The following TRAF2 variants were observed in gnomAD, a reference collection of about 807,000 sequenced individuals.
TRAF2 encodes TNF receptor-associated factor 2.
In TRAF2, 6 loss-of-function variants were observed where a neutral mutation model predicts 55.6. That is an observed-to-expected ratio of 0.11 (90% confidence interval 0.06 to 0.21). TRAF2 has a LOEUF of 0.21. Ranked by LOEUF, TRAF2 falls within the 10% of genes least tolerant of loss-of-function variation. The pLI is 1.00. For synonymous variants in TRAF2, 329 were observed against 276.3 expected, an observed-to-expected ratio of 1.19 and a Z score of -1.89; for missense variants, 561 against 684.5, an observed-to-expected ratio of 0.82 and a Z score of 2.01.
intron 1 of TRAF2, among the ~76,000 whole-genome samples, chr9:136,893,449 C>G (rs901689839): frequency 6.6e-6 from 1 of 152,232 alleles, no homozygotes; most frequent in Non-Finnish European, 1.5e-5. Context: ...CTATTCAGGT[C>G]AGTGAGCGCA....
chr9:136,896,760 C>T (rs180750269), intron 1 of TRAF2, among the ~76,000 whole-genome samples: 72 of 152,272 alleles, frequency 4.7e-4, no homozygotes, highest in Admixed American at 1.8e-3. Context: ...AGGCGCCCGC[C>T]GCCACGCCCG....
At chr9:136,890,904 C>CTT (rs1849568656) in intron 1 of TRAF2, among the ~76,000 whole-genome samples, 1 of 152,172 alleles carries the variant, frequency 6.6e-6, no homozygotes, top group African/African-American at 2.4e-5. Context: ...GAAGCGTCTG[C>CTT]CGGTGGTGGA....
At chr9:136,900,545 G>T (rs769019662) in intron 4 of TRAF2, 25 bp downstream of exon 4, 1 of 1,596,510 alleles carries the variant, frequency 6.3e-7, no homozygotes, top group South Asian at 1.1e-5. Context: ...GTGTGGCATG[G>T]TGACAGAAGC....
At chr9:136,882,743 C>T (rs569810101), upstream of TRAF2, 441 of 985,578 alleles carry the variant, frequency 4.5e-4, no homozygotes, top group Non-Finnish European at 5.2e-4. Flanking sequence ...GCAAACAAGG[C>T]GAGTCCCCAG....
chr9:136,895,809 G>A (rs185086958), intron 1 of TRAF2, among the ~76,000 whole-genome samples: 5 of 145,714 alleles, frequency 3.4e-5, no homozygotes, highest in Non-Finnish European at 7.4e-5. Context: ...TTGCTCCACT[G>A]CACTCCAGCC....
chr9:136,889,603 A>G (rs1412918356), intron 1 of TRAF2: 2 of 151,954 alleles, frequency 1.3e-5, no homozygotes, highest in African/African-American at 4.8e-5. Context: ...TGTTTTTGAC[A>G]TTTCTTTGCC....
chr9:136,903,969 A>G (rs1849885696), intron 4 of TRAF2, among the ~76,000 whole-genome samples: 1 of 152,008 alleles, frequency 6.6e-6, no homozygotes, highest in Admixed American at 6.5e-5. Flanking sequence ...GGCGTGAGCC[A>G]CCGCGCCCAG....
At chr9:136,899,066 G>T in intron 2 of TRAF2, 138 bp downstream of exon 2, 1 of 844,592 alleles carries the variant, frequency 1.2e-6, no homozygotes, top group African/African-American at 1.7e-5. Flanking sequence ...CCTGGATTTC[G>T]GAGGTTTACC....
chr9:136,909,052 GA>G (rs1419719284), intron 5 of TRAF2, among the ~76,000 whole-genome samples: 39 of 147,252 alleles, frequency 2.6e-4, no homozygotes, highest in African/African-American at 4.0e-4. Flanking sequence ...AAAAAAAAAA[GA>G]AAAAAAATTT....
At position 136,915,227 on chromosome 9, in the gene TRAF2, G is replaced by A. The variant is rs190720046; in HGVS notation, c.604-1314G>A. Among the ~76,000 whole-genome samples, 95 of 152,222 alleles carry A rather than the reference G, an allele frequency of 6.2e-4. 2 individuals carry two copies. Among genetic ancestry groups the A allele is most frequent in the Middle Eastern group, 6.8e-3 (2 of 294 alleles). On this transcript the variant is annotated intron_variant, in intron 6 of 10. Coordinates refer to ENST00000247668, the MANE Select transcript of TRAF2 (RefSeq NM_021138.4). ...TAAAATGGTTACATGGCACCAAAGC[G>A]AAAACTACAAAAAAGGTGCATTCTG...
chr9:136,907,044 G>A (rs1365574609), intron 4 of TRAF2, among the ~76,000 whole-genome samples: 1 of 152,378 alleles, frequency 6.6e-6, no homozygotes, highest in South Asian at 2.1e-4. Flanking sequence ...AGCCCTGCCT[G>A]GGGCAGCAGT....
At chr9:136,916,929 C>T (rs570851281) in intron 7 of TRAF2, among the ~76,000 whole-genome samples, 67 of 152,270 alleles carry the variant, frequency 4.4e-4, no homozygotes, top group Non-Finnish European at 7.9e-4. Flanking sequence ...ACCCGGCCGG[C>T]TCGCCACGAC....
intron 7 of TRAF2, 85 bp from the exon 8 acceptor site, chr9:136,920,149 G>T: frequency 6.8e-7 from 1 of 1,474,950 alleles, no homozygotes; most frequent in Non-Finnish European, 9.0e-7. Flanking sequence ...CCTCAGCTCA[G>T]CTGAGGCCCA....
chr9:136,910,784 C>T (rs1850085470), intron 6 of TRAF2, among the ~76,000 whole-genome samples: 1 of 152,256 alleles, frequency 6.6e-6, no homozygotes, highest in Admixed American at 6.5e-5. Context: ...ATATAGGTCA[C>T]AGCCCAAGTC....
chr9:136,925,657 C>A (rs1253751662), intron 10 of TRAF2, 26 bp from the exon 11 acceptor site: 2 of 1,610,538 alleles, frequency 1.2e-6, no homozygotes, highest in Non-Finnish European at 1.7e-6. Context: ...AGACCTGTGT[C>A]CCCTCCCTGG....
chr9:136,918,178 A>G (rs1287186248), intron 7 of TRAF2, among the ~76,000 whole-genome samples: 1 of 149,442 alleles, frequency 6.7e-6, no homozygotes, highest in Non-Finnish European at 1.5e-5. Flanking sequence ...CTGGGTACAC[A>G]TGTAGGTCCA....
chr9:136,925,860 G>A lies in TRAF2; in HGVS notation c.1465G>A (p.Ala489Thr), dbSNP rs1850518318. The change falls in exon 11 of 11, where the codon GCC (alanine) becomes ACC (threonine). Residue 489 changes from alanine to threonine, a missense_variant. By Grantham distance (58) the Ala-to-Thr change is moderately conservative (BLOSUM62 0). Around this residue, in one of 2 missense-constraint regions of TRAF2, gnomAD observed 135 missense variants for 207.7 expected, o/e 0.65. Coordinates refer to ENST00000247668, the MANE Select transcript of TRAF2 (RefSeq NM_021138.4). ...AAAGAATTCCTACGTGCGGGACGAT[G>A]CCATCTTCATCAAGGCCATTGTGGA... ...EAKNSYVRDD[A>T]IFIKAIVDLT... 1 of 1,614,262 alleles carries A rather than the reference G, an allele frequency of 6.2e-7. No individual in the cohort carries two copies. Among genetic ancestry groups the A allele is most frequent in the East Asian group, 2.2e-5 (1 of 44,888 alleles).
At chr9:136,894,039 C>T (rs535268527) in intron 1 of TRAF2, among the ~76,000 whole-genome samples, 94 of 139,222 alleles carry the variant, frequency 6.8e-4, no homozygotes, top group African/African-American at 2.3e-3. Context: ...TGAGCCACTG[C>T]GCCTGGCCTT....
At chr9:136,913,868 G>T (rs1282455952) in intron 6 of TRAF2, among the ~76,000 whole-genome samples, 1 of 152,090 alleles carries the variant, frequency 6.6e-6, no homozygotes, top group African/African-American at 2.4e-5. Context: ...CCCAGGGCTT[G>T]GTCGGGTTCC....
Sources: allele counts gnomAD v4.1 joint callset (sites outside exome capture counted in the v4.1 genomes callset), GRCh38; gene constraint gnomAD v4.1.1; regional missense constraint gnomAD v4.1.1; transcripts MANE v1.5; gene names NCBI Gene and HGNC (gene_info 2026-07-23, HGNC 2026-07-21).